ADAMTSL1: variants seen among roughly 807,000 people sequenced by gnomAD.
ADAMTSL1 encodes ADAMTS-like protein 1.
A neutral mutation model predicts 201.8 loss-of-function variants in ADAMTSL1; 126 were observed. The observed-to-expected ratio is 0.62, with a 90% CI of 0.54 to 0.72. ADAMTSL1 has a LOEUF of 0.72. ADAMTSL1 is among the 30% of genes least tolerant of loss of function. The probability of loss-of-function intolerance (pLI) is 0.00; values close to 1 mark genes in which losing one functional copy is unlikely to be tolerated. For synonymous variants in ADAMTSL1, 1,121 were observed against 903.4 expected (o/e 1.24, Z -4.32); for missense variants, 2,679 against 2,277.8 (o/e 1.18, Z -3.59).
chr9:18,582,603 C>G (rs996194646), intron 4 of ADAMTSL1, among the ~76,000 whole-genome samples: 1 of 152,012 alleles, frequency 6.6e-6, no homozygotes, highest in Admixed American at 6.6e-5. Context: ...AATCCCAGCA[C>G]TTTGGGAGGC....
At chr9:18,163,313 T>A (rs1827482208) in intron 1 of ADAMTSL1, among the ~76,000 whole-genome samples, 1 of 152,024 alleles carries the variant, frequency 6.6e-6, no homozygotes, top group Non-Finnish European at 1.5e-5. Context: ...GAACCTGGAA[T>A]GTGATAAGCT....
Position 18,905,764 on chromosome 9 carries a change from C to T in ADAMTSL1, c.4852-18C>T, listed in dbSNP as rs1450646457. The T allele has an allele frequency of 1.2e-6, 2 of 1,603,686 alleles. No homozygotes were observed. The highest frequency in any genetic ancestry group is 1.1e-5 in the South Asian group (1 of 89,276). The stretch of plus-strand genomic sequence containing the variant: ...GACTTGGCTAATGTGCGGTATGTTA[C>T]CTTTTTCTGCTTTCCAGTGCAATGG... On this transcript the variant is annotated intron_variant, in intron 26 of 28. Coordinates refer to ENST00000380548, the MANE Select transcript of ADAMTSL1 (RefSeq NM_001040272.6).
intron 2 of ADAMTSL1, among the ~76,000 whole-genome samples, chr9:18,509,615 C>G (rs1346966013): frequency 6.6e-6 from 1 of 152,146 alleles, no homozygotes; most frequent in African/African-American, 2.4e-5. Flanking sequence ...GTTCCTTATC[C>G]TCCAGCAGGC....
At chr9:18,712,782 C>A (rs551897346) in intron 14 of ADAMTSL1, among the ~76,000 whole-genome samples, 1 of 151,928 alleles carries the variant, frequency 6.6e-6, no homozygotes, top group African/African-American at 2.4e-5. Context: ...AGAATAACTC[C>A]AAGACACATA....
At chr9:18,016,860 G>A (rs1428630805) in intron 1 of ADAMTSL1, among the ~76,000 whole-genome samples, 1 of 151,960 alleles carries the variant, frequency 6.6e-6, no homozygotes, top group Non-Finnish European at 1.5e-5. Flanking sequence ...TTTGGAAGCT[G>A]GCTTTGTAGC....
At chr9:18,054,571 A>T (rs934112030) in intron 1 of ADAMTSL1, among the ~76,000 whole-genome samples, 1 of 152,188 alleles carries the variant, frequency 6.6e-6, no homozygotes, top group African/African-American at 2.4e-5. Context: ...CCAGGTCGAC[A>T]TGTTTTCTCA....
intron 11 of ADAMTSL1, chr9:18,681,543 A>C: frequency 4.4e-6 from 1 of 226,054 alleles, no homozygotes; most frequent in Non-Finnish European, 8.7e-6. Flanking sequence ...GAGACTTTGC[A>C]CACAGTGGGT....
chr9:18,648,322 G>A (rs1217937984), intron 7 of ADAMTSL1, among the ~76,000 whole-genome samples: 1 of 149,232 alleles, frequency 6.7e-6, no homozygotes, highest in Non-Finnish European at 1.5e-5. Context: ...GCACACTGAT[G>A]GGTCTTGACT....
intron 20 of ADAMTSL1, among the ~76,000 whole-genome samples, chr9:18,809,601 C>T (rs990241682): frequency 3.3e-5 from 5 of 152,060 alleles, no homozygotes; most frequent in South Asian, 2.1e-4. Flanking sequence ...ACCAGCCTGA[C>T]CAATATGGTG....
intron 23 of ADAMTSL1, among the ~76,000 whole-genome samples, chr9:18,875,383 C>T (rs530863935): frequency 1.3e-5 from 2 of 152,204 alleles, no homozygotes; most frequent in Admixed American, 6.5e-5. Context: ...TTAATGTAGA[C>T]ATTCAATGCT....
intron 15 of ADAMTSL1, among the ~76,000 whole-genome samples, chr9:18,736,914 CA>C (rs1016927293): frequency 6.6e-5 from 10 of 152,154 alleles, no homozygotes; most frequent in African/African-American, 2.4e-4. Context: ...TTGGGAGCCC[CA>C]AAACCCTCCT....
At chr9:18,289,761 G>A (rs2132672569) in intron 2 of ADAMTSL1, among the ~76,000 whole-genome samples, 1 of 152,268 alleles carries the variant, frequency 6.6e-6, no homozygotes, top group Non-Finnish European at 1.5e-5. Context: ...GATACCTAGA[G>A]AGACACCAGC....
chr9:18,656,392 G>A (rs1828660430), intron 7 of ADAMTSL1, among the ~76,000 whole-genome samples: 1 of 152,012 alleles, frequency 6.6e-6, no homozygotes, highest in Admixed American at 6.6e-5. Flanking sequence ...AGCACTTTGG[G>A]AGGCCGAGGC....
At chr9:18,071,893 G>A (rs1822986220) in intron 1 of ADAMTSL1, among the ~76,000 whole-genome samples, 1 of 152,176 alleles carries the variant, frequency 6.6e-6, no homozygotes, top group Admixed American at 6.5e-5. Flanking sequence ...CACTTCCTGT[G>A]TGTCCCTTGC....
rs1306450198 is a variant in ADAMTSL1, at chr9:18,701,416, C to T, written c.1575-5331C>T. ...TGTATTTTTAGTAGAGACAGGGTTTCGCCATGTTGGCCAGGTTGGTCTCAA... is the reference window on the plus strand; with the variant it reads ...TGTATTTTTAGTAGAGACAGGGTTTTGCCATGTTGGCCAGGTTGGTCTCAA... On this transcript the variant is annotated intron_variant, in intron 13 of 28. Transcript: ENST00000380548. 3.3e-5 allele frequency among the ~76,000 whole-genome samples: 5 copies of T among 152,170 alleles called. 1 individual carries two copies. In the East Asian group the frequency reaches 5.8e-4, roughly 18 times the overall value.
At chr9:18,676,643 A>G (rs958933283) in intron 10 of ADAMTSL1, among the ~76,000 whole-genome samples, 11 of 152,096 alleles carry the variant, frequency 7.2e-5, no homozygotes, top group African/African-American at 2.4e-4. Context: ...ACAGCTCCAC[A>G]GAGAGCAGAA....
At chr9:18,248,774 A>G (rs1381503335) in intron 2 of ADAMTSL1, among the ~76,000 whole-genome samples, 1 of 151,990 alleles carries the variant, frequency 6.6e-6, no homozygotes, top group African/African-American at 2.4e-5. Context: ...ATTCCGATTC[A>G]CTCTCTGACT....
At chr9:17,953,746 T>G (rs1425015620) in intron 1 of ADAMTSL1, among the ~76,000 whole-genome samples, 2 of 152,190 alleles carry the variant, frequency 1.3e-5, no homozygotes, top group Non-Finnish European at 2.9e-5. Context: ...GAAAGGTTAC[T>G]GTTTCAGTTA....
At chr9:18,028,222 T>C (rs1475083706) in intron 1 of ADAMTSL1, among the ~76,000 whole-genome samples, 1 of 152,116 alleles carries the variant, frequency 6.6e-6, no homozygotes, top group Non-Finnish European at 1.5e-5. Flanking sequence ...TTTGTAATCT[T>C]GACTGTGTAG....
Sources: allele counts gnomAD v4.1 joint callset (sites outside exome capture counted in the v4.1 genomes callset), GRCh38; gene constraint gnomAD v4.1.1; transcripts MANE v1.5; gene names NCBI Gene and HGNC (gene_info 2026-07-23, HGNC 2026-07-21).